TNXB: variants seen among roughly 807,000 people sequenced by gnomAD.
The protein encoded by TNXB is tenascin-X.
Under a neutral mutation model 340.5 loss-of-function variants are expected in TNXB, and 183 were observed. That is an observed-to-expected ratio of 0.54 (90% CI 0.48 to 0.61). The LOEUF is 0.61. TNXB is among the 20% of genes least tolerant of loss of function. The probability of loss-of-function intolerance (pLI) is 0.00; values close to 1 mark genes in which losing one functional copy is unlikely to be tolerated. For synonymous variants in TNXB, 2,121 were observed against 2,314.5 expected (o/e 0.92, Z 2.40); for missense variants, 4,613 against 5,446.4 (o/e 0.85, Z 4.82).
In TNXB at chr6:32,079,220, C is replaced by T; in HGVS notation, c.4188G>A (p.Gln1396=). The change falls in exon 11 of 44, where the codon CAG becomes CAA. Residue 1396 remains glutamine, a synonymous_variant. Coordinates refer to ENST00000644971, the MANE Select transcript of TNXB (RefSeq NM_001365276.2). The surrounding 1 kb of genome is among the most constrained non-coding windows in gnomAD (Gnocchi z 7.1). The stretch of plus-strand genomic sequence containing the variant: ...GCACGGTGAAAGAGTCGAAGCTGCC[C>T]TGGGGGACGGTCCAGAAGAGGCTCA... ...DSLSLFWTVP[Q]GSFDSFTVQY... is the part of the protein sequence containing the mutation. 1.2e-6 allele frequency: 2 copies of T among 1,613,828 alleles called. No individual in the cohort carries two copies. Among genetic ancestry groups the T allele is most frequent in the East Asian group, 4.5e-5 (2 of 44,880 alleles).
Position 32,102,696 on chromosome 6 carries a change from C to T in TNXB, c.-8-4490G>A, listed in dbSNP as rs970857443. Among the ~76,000 whole-genome samples, 14 of 152,024 alleles carry T rather than the reference C, an allele frequency of 9.2e-5. No homozygotes were observed. The East Asian group carries it at 1.7e-3, about 19-fold the overall frequency. On this transcript the variant is annotated intron_variant, in intron 1 of 43. Coordinates refer to ENST00000644971, the MANE Select transcript of TNXB (RefSeq NM_001365276.2). ...CGGCACTTTGGGAAGCCGAGGCGGG[C>T]GGATCACGAGGTCAAGAGATGGAGA...
intron 1 of TNXB, among the ~76,000 whole-genome samples, chr6:32,107,741 G>T (rs1380978114): frequency 6.6e-6 from 1 of 152,082 alleles, no homozygotes; most frequent in Non-Finnish European, 1.5e-5. Flanking sequence ...TGGGGAGAGG[G>T]GCTGGCTTCC....
chr6:32,096,356 G>A lies in TNXB; in HGVS notation c.1497C>T (p.Gly499=). Residue 499 remains glycine, a synonymous_variant, in exon 3 of 44, where the codon GGC becomes GGT. Transcript: ENST00000644971. The part of the protein sequence containing the change: ...GRDCGTRACP[G]DCRGRGRCVD... The stretch of plus-strand genomic sequence containing the variant: ...CGCAGCGCCCGCGCCCGCGACAGTC[G>A]CCAGGACAGGCGCGCGTGCCGCAGT... 1 of 1,544,080 alleles carries A rather than the reference G, an allele frequency of 6.5e-7. No homozygotes were observed. Among genetic ancestry groups the A allele is most frequent in the South Asian group, 1.2e-5 (1 of 84,820 alleles).
chr6:32,082,628 AAG>A lies in TNXB; in HGVS notation c.3446-304_3446-303del, dbSNP rs1779538232. Among the ~76,000 whole-genome samples the A allele has an allele frequency of 6.6e-6, 1 of 152,118 alleles. No individual in the cohort carries two copies. Among genetic ancestry groups the A allele is most frequent in the Non-Finnish European group, 1.5e-5 (1 of 68,014 alleles). On this transcript the variant is annotated intron_variant, in intron 8 of 43. Coordinates refer to ENST00000644971, the MANE Select transcript of TNXB (RefSeq NM_001365276.2). This position sits in a 1 kb window ranked among gnomAD's most constrained non-coding sequence, Gnocchi z 5.0. ...AACCAGAGCAGCAGGGAGCTTCAGA[AAG>A]AGGGGAGCCCAGCCAGGCCCTTTCA... is the stretch of plus-strand genomic sequence containing the variant.
In TNXB at chr6:32,058,109, C is replaced by G. The variant is rs767643312; in HGVS notation, c.7774G>C (p.Gly2592Arg). 2.5e-6 allele frequency: 4 copies of G among 1,612,626 alleles called. No homozygotes were observed. Among genetic ancestry groups the G allele is most frequent in the South Asian group, 1.1e-5 (1 of 91,046 alleles). Residue 2592 changes from glycine to arginine, a missense_variant, in exon 22 of 44, where the codon GGC (glycine) becomes CGC (arginine). This residue lies in a region of TNXB where 4,327 missense variants were observed against 4,859.4 expected (regional missense o/e 0.89). Transcript: ENST00000644971. The surrounding 1 kb of genome is among the most constrained non-coding windows in gnomAD (Gnocchi z 5.1). Reference protein sequence around the residue: ...PGRKYKMHLYGLHEGRRLGPV... With the variant: ...PGRKYKMHLYRLHEGRRLGPV... Reference sequence around the variant, plus strand: ...CCCAGGCGCCGCCCCTCGTGGAGGCCGTACAGGTGCATCTTGTACTTGCGC... The same window carrying G: ...CCCAGGCGCCGCCCCTCGTGGAGGCGGTACAGGTGCATCTTGTACTTGCGC...
chr6:32,055,919 T>C lies in TNXB; in HGVS notation c.8399A>G (p.Tyr2800Cys), dbSNP rs746150012. 6.2e-7 allele frequency: 1 copy of C among 1,613,494 alleles called. No individual in the cohort carries two copies. The highest frequency in any genetic ancestry group is 8.5e-7 in the Non-Finnish European group (1 of 1,179,870). The stretch of plus-strand genomic sequence containing the variant: ...GTGGAGGCCGTACAGGTGCATCTTG[T>C]ATTTGCGCCCGGGCTCCAGGCCCCC... ...TVGGLEPGRKYKMHLYGLHEG... is the reference protein window; with the variant it reads ...TVGGLEPGRKCKMHLYGLHEG... Residue 2800 changes from tyrosine to cysteine, a missense_variant, in exon 24 of 44, where the codon TAC becomes TGC. This residue lies in a region of TNXB where 4,327 missense variants were observed against 4,859.4 expected (regional missense o/e 0.89). Transcript: ENST00000644971.
chr6:32,067,681 A>G lies in TNXB; in HGVS notation c.6524T>C (p.Val2175Ala), dbSNP rs1422813232. The change falls in exon 18 of 44, where the codon GTG becomes GCG. Residue 2175 changes from valine (V) to alanine (A), a missense_variant. Coordinates refer to ENST00000644971, the MANE Select transcript of TNXB (RefSeq NM_001365276.2). This position sits in a 1 kb window ranked among gnomAD's most constrained non-coding sequence, Gnocchi z 4.2. Reference sequence around the variant, plus strand: ...CTCACCCGTGACGCCCACAGCAGACACTGGGCCCACGCGCCGCCCCTCGTG... The same window carrying G: ...CTCACCCGTGACGCCCACAGCAGACGCTGGGCCCACGCGCCGCCCCTCGTG... ...GLHEGRRVGPVSAVGVTAPEE... is the reference protein window; with the variant it reads ...GLHEGRRVGPASAVGVTAPEE... 4 of 1,613,676 alleles carry G rather than the reference A, an allele frequency of 2.5e-6. No homozygotes were observed. The Admixed American group carries it at 6.7e-5, about 27-fold the overall frequency.
chr6:32,049,920 T>C lies in TNXB; in HGVS notation c.9439+78A>G. On this transcript the variant is annotated intron_variant, in intron 27 of 43. Transcript: ENST00000644971. This position sits in a 1 kb window ranked among gnomAD's most constrained non-coding sequence, Gnocchi z 4.5. ...TGGTGCTGACCAGACCCCTGTCCCA[T>C]TCCCCACCAGTCATCACCAAAGAGC... 2 of 1,598,356 alleles carry C rather than the reference T, an allele frequency of 1.3e-6. No homozygotes were observed. Among genetic ancestry groups the C allele is most frequent in the Non-Finnish European group, 1.7e-6 (2 of 1,169,210 alleles).
At position 32,098,052 on chromosome 6, in the gene TNXB, C is replaced by T. The variant is rs370126465; in HGVS notation, c.147G>A (p.Gly49=). The T allele has an allele frequency of 1.8e-4, 282 of 1,606,900 alleles. No homozygotes were observed. The highest frequency in any genetic ancestry group is 2.3e-4 in the Non-Finnish European group (271 of 1,178,028). The change falls in exon 2 of 44, where the codon GGG becomes GGA. Residue 49 remains glycine (G), a synonymous_variant. Transcript: ENST00000644971. ...GAGAAGAGGGGCTTCCCACTCCAGC[C>T]CCCACTGTGTGGCCCCCTGGCTGGG... ...PPPQPGGHTV[G]AGVGSPSSQL...
intron 4 of TNXB, among the ~76,000 whole-genome samples, chr6:32,091,658 G>A (rs1213689418): frequency 1.3e-5 from 2 of 151,596 alleles, no homozygotes; most frequent in Non-Finnish European, 2.9e-5. Context: ...ATTTTTAGTA[G>A]AGATGGGGTT....
rs1344218637 is a variant in TNXB, at chr6:32,053,454, T to C, written c.8725A>G (p.Lys2909Glu). Residue 2909 changes from lysine to glutamate, a missense_variant, in exon 25 of 44, where the codon AAG becomes GAG. Transcript: ENST00000644971. ...CCGTGGAAGCCGTACAGGTTCATCT[T>C]GTACTTGTGGTCTGGCTCCAGGCCT... is the stretch of plus-strand genomic sequence containing the variant. ...ISGLEPDHKY[K>E]MNLYGFHGGQ... 3.1e-6 allele frequency: 5 copies of C among 1,613,256 alleles called. No individual in the cohort carries two copies. The highest frequency in any genetic ancestry group is 4.2e-6 in the Non-Finnish European group (5 of 1,179,872).
Position 32,071,944 on chromosome 6 carries a change from G to A in TNXB, c.4990+46C>T, listed in dbSNP as rs766007290. 6 of 1,495,556 alleles carry A rather than the reference G, an allele frequency of 4.0e-6. No homozygotes were observed. The African/African-American group carries it at 5.5e-5, about 14-fold the overall frequency. 92.6% of individuals were successfully genotyped at this position (1,495,556 alleles called of 1,614,324 possible). On this transcript the variant is annotated intron_variant, in intron 13 of 43. Transcript: ENST00000644971. ...CAGCAGAGGGAGTGAAGAGAAGGGTGGGAAGGCTGTGGCCTCAGGCTCAGC... is the reference window on the plus strand; with the variant it reads ...CAGCAGAGGGAGTGAAGAGAAGGGTAGGAAGGCTGTGGCCTCAGGCTCAGC...
Position 32,049,235 on chromosome 6 carries a change from T to C in TNXB, c.9757+35A>G. On this transcript the variant is annotated intron_variant, in intron 28 of 43. Transcript: ENST00000644971. This position sits in a 1 kb window ranked among gnomAD's most constrained non-coding sequence, Gnocchi z 4.5. ...GAGAAACACAAGGGGGCTGCAGAGGTAAACCTGGGGACGAGGGCCTGTCCC... is the reference window on the plus strand; with the variant it reads ...GAGAAACACAAGGGGGCTGCAGAGGCAAACCTGGGGACGAGGGCCTGTCCC... 2 of 1,589,576 alleles carry C rather than the reference T, an allele frequency of 1.3e-6. No homozygotes were observed. Among genetic ancestry groups the C allele is most frequent in the Non-Finnish European group, 1.7e-6 (2 of 1,166,046 alleles).
chr6:32,078,348 T>C (rs923061471), intron 11 of TNXB, among the ~76,000 whole-genome samples: 11 of 146,664 alleles, frequency 7.5e-5, no homozygotes, highest in South Asian at 6.4e-4. Context: ...TTTGGGAGGC[T>C]GAGGCAGGAG....
At chr6:32,093,575 C>A (rs1319625890) in intron 4 of TNXB, 1 of 513,140 alleles carries the variant, frequency 1.9e-6, no homozygotes, top group Non-Finnish European at 3.5e-6. Flanking sequence ...TTTATTTTTA[C>A]AGAGTCCTGG....
intron 18 of TNXB, among the ~76,000 whole-genome samples, chr6:32,066,609 T>C (rs1325867946): frequency 2.0e-5 from 3 of 152,116 alleles, no homozygotes; most frequent in African/African-American, 7.2e-5. Context: ...AGGGCTGAGG[T>C]AGGAATGGGT....
rs1195292870 is a variant in TNXB at position 32,084,963 on chromosome 6, G to A, written c.3149-254C>T. Among the ~76,000 whole-genome samples the A allele has an allele frequency of 6.6e-6, 1 of 152,080 alleles. No individual in the cohort carries two copies. The highest frequency in any genetic ancestry group is 2.4e-5 in the African/African-American group (1 of 41,392). Reference sequence around the variant, plus strand: ...CTCTGCACACCAGGATCTTTGCGGGGGTTTCAGGTCCCCCTGGTTCTGAAT... The same window carrying A: ...CTCTGCACACCAGGATCTTTGCGGGAGTTTCAGGTCCCCCTGGTTCTGAAT... On this transcript the variant is annotated intron_variant, in intron 7 of 43. Coordinates refer to ENST00000644971, the MANE Select transcript of TNXB (RefSeq NM_001365276.2). The surrounding 1 kb of genome is among the most constrained non-coding windows in gnomAD (Gnocchi z 5.5).
intron 18 of TNXB, among the ~76,000 whole-genome samples, chr6:32,066,815 T>C (rs184393227): frequency 1.3e-4 from 20 of 152,304 alleles, no homozygotes; most frequent in African/African-American, 4.6e-4. Flanking sequence ...GGCTCACGCC[T>C]GGAATCCTAT....
chr6:32,060,063 G>A (rs1209053620), intron 21 of TNXB, among the ~76,000 whole-genome samples: 3 of 151,856 alleles, frequency 2.0e-5, no homozygotes, highest in Non-Finnish European at 4.4e-5. Context: ...GGCTGGGCGC[G>A]GTGGCTCATG....
Sources: gnomAD v4.1 joint callset for allele counts (sites outside exome capture counted in the v4.1 genomes callset) on GRCh38, gnomAD v4.1.1 for gene constraint, gnomAD v4.1.1 regional missense constraint, Gnocchi (gnomAD v3.1) non-coding constraint, MANE v1.5 for transcripts, NCBI Gene and HGNC (gene_info 2026-07-23, HGNC 2026-07-21) for gene names.